The following RAB22A variants were observed in gnomAD, a reference collection of about 807,000 sequenced individuals.
The protein encoded by RAB22A is ras-related protein Rab-22A.
In RAB22A, 13 loss-of-function variants were observed where a neutral mutation model predicts 30.2. The ratio of observed to expected loss-of-function variants is 0.43; its 90% CI spans 0.28 to 0.68. The LOEUF (loss-of-function observed/expected upper bound fraction) is 0.68, where lower values mean the gene tolerates loss of function less well. Ranked by LOEUF, RAB22A falls within the 30% of genes least tolerant of loss-of-function variation. The pLI is 0.18. For missense variants in RAB22A, 177 were observed against 246.8 expected, an observed-to-expected ratio of 0.72 and a Z score of 1.89; for synonymous variants, 89 against 87.2, an observed-to-expected ratio of 1.02 and a Z score of -0.11.
chr20:58,363,014 CAAG>C lies in RAB22A; in HGVS notation c.*3312_*3314del, dbSNP rs1346342415. 6.6e-6 allele frequency: 1 copy of C among 152,136 alleles called. No individual in the cohort carries two copies. Among genetic ancestry groups the C allele is most frequent in the African/African-American group, 2.4e-5 (1 of 41,436 alleles). 9.4% of individuals were successfully genotyped at this position (152,136 alleles called of 1,614,324 possible). A position where few individuals can be genotyped will look rare whatever the true frequency, so the allele number is the denominator to read the frequency against. ...CTTGTATGTATTTCTTTTCTGTTCT[CAAG>C]GAGGAAAATTGGTCTAGGAAGCCTT... On this transcript the variant is annotated 3_prime_UTR_variant, in exon 7 of 7. Coordinates refer to ENST00000244040, the MANE Select transcript of RAB22A (RefSeq NM_020673.3).
Position 58,316,585 on chromosome 20 carries a change from A to AGT in RAB22A, c.116+5465_116+5466dup, listed in dbSNP as rs1353301938. 7.1e-4 allele frequency among the ~76,000 whole-genome samples: 108 copies of AGT among 152,238 alleles called. 2 individuals carry two copies. The highest frequency in any genetic ancestry group is 4.4e-5 in the Non-Finnish European group (3 of 68,014). On this transcript the variant is annotated intron_variant, in intron 2 of 6. Transcript: ENST00000244040. ...TCACCACCGTAGTGAGCCATTGTGT[A>AGT]GTGAGCCTATTGTGTTCCTCAAGTG...
chr20:58,331,191 C>G (rs575213480), intron 2 of RAB22A, among the ~76,000 whole-genome samples: 2 of 152,266 alleles, frequency 1.3e-5, no homozygotes, highest in Non-Finnish European at 2.9e-5. Context: ...TGTTCTCCCC[C>G]CTCTAAATAT....
chr20:58,333,307 A>AAATAAATCAATC (rs1193519347), intron 2 of RAB22A, among the ~76,000 whole-genome samples: 2 of 151,652 alleles, frequency 1.3e-5, no homozygotes, highest in East Asian at 1.9e-4. Context: ...ATAAATAAAT[A>AAATAAATCAATC]AATCCCGCCA....
chr20:58,324,434 A>G (rs567286181), intron 2 of RAB22A, among the ~76,000 whole-genome samples: 1 of 152,188 alleles, frequency 6.6e-6, no homozygotes, highest in Non-Finnish European at 1.5e-5. Context: ...CAACTCTATG[A>G]TATGTCTCTT....
intron 3 of RAB22A, among the ~76,000 whole-genome samples, chr20:58,351,076 A>G (rs1987040437): frequency 6.6e-6 from 1 of 152,196 alleles, no homozygotes; most frequent in African/African-American, 2.4e-5. Context: ...ACAGGGGCTC[A>G]CACCTGTAAT....
At chr20:58,310,136 G>A (rs1176469180) in intron 1 of RAB22A, 124 bp downstream of exon 1, 1 of 1,009,640 alleles carries the variant, frequency 9.9e-7, no homozygotes, top group East Asian at 3.3e-5. Context: ...CCAGCCCCGT[G>A]GACCCTCCCT....
At chr20:58,311,172 C>A (rs1462395476) in intron 2 of RAB22A, 50 bp downstream of exon 2, 1 of 1,473,818 alleles carries the variant, frequency 6.8e-7, no homozygotes, top group Non-Finnish European at 9.5e-7. Flanking sequence ...GAAAATCCTT[C>A]CAAATACATA....
At chr20:58,328,411 T>C (rs897161351) in intron 2 of RAB22A, among the ~76,000 whole-genome samples, 1 of 152,156 alleles carries the variant, frequency 6.6e-6, no homozygotes, top group African/African-American at 2.4e-5. Flanking sequence ...CTCAAACTCC[T>C]GGACTCAAGC....
chr20:58,358,908 A>G (rs1987178001), intron 6 of RAB22A, among the ~76,000 whole-genome samples: 1 of 152,124 alleles, frequency 6.6e-6, no homozygotes, highest in Non-Finnish European at 1.5e-5. Context: ...AAAAAAAAAA[A>G]AAAAGGTGAC....
intron 2 of RAB22A, among the ~76,000 whole-genome samples, chr20:58,328,617 AGAT>A (rs1293635176): frequency 2.6e-5 from 4 of 152,212 alleles, no homozygotes; most frequent in Non-Finnish European, 5.9e-5. Flanking sequence ...GTTTAAAAAA[AGAT>A]GATAACATTG....
At chr20:58,347,967 C>T (rs764241547) in intron 3 of RAB22A, among the ~76,000 whole-genome samples, 10 of 152,246 alleles carry the variant, frequency 6.6e-5, no homozygotes, top group Non-Finnish European at 1.5e-4. Context: ...TGGCTCACGC[C>T]TGTAATCCCA....
At chr20:58,357,973 A>G (rs1987159695) in intron 6 of RAB22A, among the ~76,000 whole-genome samples, 1 of 152,248 alleles carries the variant, frequency 6.6e-6, no homozygotes. Flanking sequence ...TACTGGAAAC[A>G]TAAAGATGGA....
rs145134776 is a variant in RAB22A at position 58,311,487 on chromosome 20, G to T, written c.116+365G>T. Among the ~76,000 whole-genome samples, 19 of 152,258 alleles carry T rather than the reference G, an allele frequency of 1.2e-4. No individual in the cohort carries two copies. In the South Asian group the frequency reaches 2.9e-3, roughly 23 times the overall value. On this transcript the variant is annotated intron_variant, in intron 2 of 6. Coordinates refer to ENST00000244040, the MANE Select transcript of RAB22A (RefSeq NM_020673.3). ...CATATCAAGTAAAAGACATTTAAAT[G>T]GTTTTTGTCCTTCCTGAAAGTAGTA... is the stretch of plus-strand genomic sequence containing the variant.
At chr20:58,321,308 G>A (rs1002954487) in intron 2 of RAB22A, among the ~76,000 whole-genome samples, 5 of 152,112 alleles carry the variant, frequency 3.3e-5, no homozygotes, top group Admixed American at 3.3e-4. Context: ...AGGTTGTAGT[G>A]AGCCGAGATG....
chr20:58,340,838 G>T lies in RAB22A; in HGVS notation c.117-2880G>T, dbSNP rs115951433. 9.3e-3 allele frequency among the ~76,000 whole-genome samples: 1,423 copies of T among 152,292 alleles called. 23 individuals are homozygous for T. The highest frequency in any genetic ancestry group is 0.031 in the African/African-American group (1,272 of 41,550). On this transcript the variant is annotated intron_variant, in intron 2 of 6. Coordinates refer to ENST00000244040, the MANE Select transcript of RAB22A (RefSeq NM_020673.3). Reference sequence around the variant, plus strand: ...GGTGTCTATGGTCATTAACATTTAAGCTGAGACCCAAACGATGGGGAGCAT... The same window carrying T: ...GGTGTCTATGGTCATTAACATTTAATCTGAGACCCAAACGATGGGGAGCAT...
chr20:58,332,244 G>C (rs1172942059), intron 2 of RAB22A, among the ~76,000 whole-genome samples: 1 of 152,170 alleles, frequency 6.6e-6, no homozygotes, highest in African/African-American at 2.4e-5. Context: ...ATAAGTGATA[G>C]ACCATTCAGA....
rs973364213 is a variant in RAB22A, at chr20:58,367,029, C to T, written c.*7326C>T. ...AGATATTTGTGCCTTTTTATAAAAG[C>T]ATCTATTACGAAAGTAAAATTCAGT... On this transcript the variant is annotated 3_prime_UTR_variant, in exon 7 of 7. Coordinates refer to ENST00000244040, the MANE Select transcript of RAB22A (RefSeq NM_020673.3). 10 of 152,618 alleles carry T rather than the reference C, an allele frequency of 6.6e-5. No homozygotes were observed. The highest frequency in any genetic ancestry group is 2.4e-4 in the African/African-American group (10 of 41,444). The allele number at this position is 152,618 out of a possible 1,614,324, so 9.5% of individuals were successfully genotyped here. A position where few individuals can be genotyped will look rare whatever the true frequency, so the allele number is the denominator to read the frequency against.
At chr20:58,320,210 C>T (rs1431055235) in intron 2 of RAB22A, among the ~76,000 whole-genome samples, 1 of 152,160 alleles carries the variant, frequency 6.6e-6, no homozygotes, top group African/African-American at 2.4e-5. Flanking sequence ...ACAGATGAAA[C>T]CATCTGAGCA....
chr20:58,343,306 TGGG>T lies in RAB22A; in HGVS notation c.117-409_117-407del, dbSNP rs532400801. 2.1e-3 allele frequency among the ~76,000 whole-genome samples: 317 copies of T among 152,264 alleles called. 1 individual carries two copies. Among genetic ancestry groups the T allele is most frequent in the Non-Finnish European group, 2.3e-3 (154 of 68,012 alleles). On this transcript the variant is annotated intron_variant, in intron 2 of 6. Coordinates refer to ENST00000244040, the MANE Select transcript of RAB22A (RefSeq NM_020673.3). ...TTACATGGGAATGTGGTTTGGGAAT[TGGG>T]GGAGGACAAAGCCAGATCCTAAAAA...
Sources: gnomAD v4.1 joint callset for allele counts (sites outside exome capture counted in the v4.1 genomes callset) on GRCh38, gnomAD v4.1.1 for gene constraint, MANE v1.5 for transcripts, NCBI Gene and HGNC (gene_info 2026-07-23, HGNC 2026-07-21) for gene names.